KCNMA1: variants seen among roughly 807,000 people sequenced by gnomAD.
KCNMA1 encodes the protein potassium calcium-activated channel subfamily M alpha 1.
KCNMA1 carries 29 observed loss-of-function variants against 140.0 expected under a neutral mutation model. The observed-to-expected ratio is 0.21, with a 90% CI of 0.15 to 0.28. The LOEUF (loss-of-function observed/expected upper bound fraction) is 0.28, where lower values mean the gene tolerates loss of function less well. KCNMA1 is among the 10% of genes least tolerant of loss of function. The pLI is 1.00. For missense variants in KCNMA1, 880 were observed against 1,602.2 expected, an observed-to-expected ratio of 0.55 and a Z score of 7.70; for synonymous variants, 612 against 611.9, an observed-to-expected ratio of 1.00 and a Z score of 0.00.
At chr10:77,136,719 A>C (rs1487666433) in intron 5 of KCNMA1, among the ~76,000 whole-genome samples, 1 of 152,202 alleles carries the variant, frequency 6.6e-6, no homozygotes, top group Admixed American at 6.5e-5. Context: ...CCATGTTACA[A>C]AGGCAGACAT....
At chr10:77,239,575 T>C (rs962158424) in intron 3 of KCNMA1, among the ~76,000 whole-genome samples, 14 of 152,224 alleles carry the variant, frequency 9.2e-5, no homozygotes, top group African/African-American at 2.7e-4. Flanking sequence ...TAAAAGGTGG[T>C]GTGAGTGTCT....
intron 1 of KCNMA1, among the ~76,000 whole-genome samples, chr10:77,475,003 A>G (rs1043263278): frequency 1.3e-5 from 2 of 152,168 alleles, no homozygotes; most frequent in African/African-American, 4.8e-5. Context: ...GAGTGGGACA[A>G]CTGCAGAAGG....
At chr10:77,212,179 A>G (rs187712978) in intron 3 of KCNMA1, among the ~76,000 whole-genome samples, 1 of 152,356 alleles carries the variant, frequency 6.6e-6, no homozygotes, top group East Asian at 1.9e-4. Context: ...TCACAGTAGC[A>G]AATACATTGA....
At chr10:77,084,839 C>T (rs1455698735) in intron 11 of KCNMA1, 120 bp from the exon 12 acceptor site, 11 of 702,098 alleles carry the variant, frequency 1.6e-5, no homozygotes, top group Non-Finnish European at 2.3e-5. Flanking sequence ...AAAAACAATC[C>T]TGAGAGCCTG....
intron 15 of KCNMA1, 45 bp from the exon 16 acceptor site, chr10:77,027,936 C>T (rs1446412246): frequency 1.3e-6 from 2 of 1,503,594 alleles, no homozygotes; most frequent in Non-Finnish European, 1.8e-6. Flanking sequence ...TTCTGAATGA[C>T]CAGAGCCACA....
Position 77,636,943 on chromosome 10 carries a change from C to A in KCNMA1, c.378+322G>T, listed in dbSNP as rs2093810245. The A allele has an allele frequency of 7.8e-6, 11 of 1,418,580 alleles. No homozygotes were observed. Among genetic ancestry groups the A allele is most frequent in the Admixed American group, 3.2e-5 (1 of 31,510 alleles). 87.9% of individuals were successfully genotyped at this position (1,418,580 alleles called of 1,614,324 possible). On this transcript the variant is annotated intron_variant, in intron 1 of 27. Transcript: ENST00000286628. ...CCCCGCTGAGTTGGCTGTCCCCACC[C>A]CGCACCACGGCACCCGAGCCTGTGA...
intron 23 of KCNMA1, among the ~76,000 whole-genome samples, chr10:76,936,566 T>C (rs2060606363): frequency 6.6e-6 from 1 of 152,162 alleles, no homozygotes; most frequent in African/African-American, 2.4e-5. Context: ...CATTTCAGAA[T>C]TGAGAGAGAA....
chr10:77,256,179 G>C, intron 2 of KCNMA1, among the ~76,000 whole-genome samples: 1 of 152,182 alleles, frequency 6.6e-6, no homozygotes. Flanking sequence ...AGGTGATTGA[G>C]TTGGGAAAGC....
chr10:77,551,511 GCCC>G (rs1343813256), intron 1 of KCNMA1, among the ~76,000 whole-genome samples: 1 of 152,176 alleles, frequency 6.6e-6, no homozygotes, highest in African/African-American at 2.4e-5. Flanking sequence ...AAATCCCTGT[GCCC>G]CACAGTTGAT....
At chr10:76,982,740 G>A (rs2079933481) in intron 19 of KCNMA1, among the ~76,000 whole-genome samples, 1 of 152,168 alleles carries the variant, frequency 6.6e-6, no homozygotes, top group Admixed American at 6.5e-5. Context: ...GAAGTTCAAA[G>A]AGGATAGTGG....
intron 14 of KCNMA1, among the ~76,000 whole-genome samples, chr10:77,065,713 A>G (rs1452595666): frequency 6.6e-6 from 1 of 152,218 alleles, no homozygotes; most frequent in African/African-American, 2.4e-5. Flanking sequence ...GGTCCTGGTT[A>G]CATGAGCACT....
At chr10:77,184,307 C>A (rs753613038) in intron 4 of KCNMA1, among the ~76,000 whole-genome samples, 2 of 152,158 alleles carry the variant, frequency 1.3e-5, no homozygotes, top group Non-Finnish European at 2.9e-5. Context: ...GCAACCTCTG[C>A]CTCCCAGGTT....
intron 6 of KCNMA1, among the ~76,000 whole-genome samples, chr10:77,114,668 C>T (rs1329002991): frequency 6.6e-6 from 1 of 152,202 alleles, no homozygotes; most frequent in East Asian, 1.9e-4. Flanking sequence ...TCCTTAAAGT[C>T]GTTCCATCCA....
At chr10:77,246,778 G>A (rs1458738801) in intron 3 of KCNMA1, among the ~76,000 whole-genome samples, 4 of 152,190 alleles carry the variant, frequency 2.6e-5, no homozygotes, top group Non-Finnish European at 4.4e-5. Context: ...TTAAAAGACT[G>A]GGGAGAGGCC....
chr10:77,362,641 A>G (rs2154401986), intron 2 of KCNMA1, among the ~76,000 whole-genome samples: 1 of 152,200 alleles, frequency 6.6e-6, no homozygotes, highest in Non-Finnish European at 1.5e-5. Context: ...GTCCTGCCTC[A>G]GACCCCGCCG....
At chr10:77,132,684 T>C (rs2097891376) in intron 5 of KCNMA1, among the ~76,000 whole-genome samples, 1 of 152,150 alleles carries the variant, frequency 6.6e-6, no homozygotes, top group African/African-American at 2.4e-5. Context: ...ATAACATCAA[T>C]GTGAAGAAAT....
chr10:77,085,442 GAACAAT>G (rs1183579743), intron 11 of KCNMA1, among the ~76,000 whole-genome samples: 3 of 152,096 alleles, frequency 2.0e-5, no homozygotes, highest in Non-Finnish European at 4.4e-5. Context: ...TTAGGTCCAC[GAACAAT>G]AACAATTGTC....
At chr10:77,495,712 G>A (rs546257862) in intron 1 of KCNMA1, among the ~76,000 whole-genome samples, 20 of 152,146 alleles carry the variant, frequency 1.3e-4, no homozygotes, top group Admixed American at 5.9e-4. Flanking sequence ...ACAGCCTGCC[G>A]TGCTGGGCCA....
intron 2 of KCNMA1, among the ~76,000 whole-genome samples, chr10:77,286,482 T>G (rs1230887275): frequency 6.6e-6 from 1 of 152,222 alleles, no homozygotes; most frequent in Non-Finnish European, 1.5e-5. Context: ...CATATGCCCC[T>G]GGTAATACCC....
Sources: gnomAD v4.1 joint callset for allele counts (sites outside exome capture counted in the v4.1 genomes callset) on GRCh38, gnomAD v4.1.1 for gene constraint, MANE v1.5 for transcripts, NCBI Gene and HGNC (gene_info 2026-07-23, HGNC 2026-07-21) for gene names.